Variants in ARPC4 observed in about 807,000 individuals in gnomAD.
ARPC4 encodes the protein actin related protein 2/3 complex subunit 4, also known as actin-related protein 2/3 complex subunit 4.
A neutral mutation model predicts 22.8 loss-of-function variants in ARPC4; 3 were observed. That is an observed-to-expected ratio of 0.13 (90% CI 0.06 to 0.34). The LOEUF (loss-of-function observed/expected upper bound fraction) is 0.34. Among genes scored for constraint, ARPC4 ranks in the 10% least tolerant of loss-of-function variants. The pLI, the probability that ARPC4 is intolerant of heterozygous loss-of-function variation, is 1.00. For synonymous variants in ARPC4, 80 were observed against 72.5 expected (o/e 1.10, Z -0.52); for missense variants, 98 against 211.0 (o/e 0.46, Z 3.32).
chr3:9,798,115 C>A, intron 2 of ARPC4: 1 of 148,556 alleles, frequency 6.7e-6, no homozygotes. Context: ...CATCTCCATA[C>A]TTTTCTTTTT....
chr3:9,793,072 G>A (rs938120107), upstream of ARPC4: 10 of 1,545,248 alleles, frequency 6.5e-6, no homozygotes, highest in Admixed American at 2.0e-5. Flanking sequence ...CAGGCATCGC[G>A]GGGCTGGCCA....
intron 1 of ARPC4, among the ~76,000 whole-genome samples, chr3:9,796,742 C>T (rs573314507): frequency 1.3e-5 from 2 of 151,992 alleles, no homozygotes; most frequent in Non-Finnish European, 2.9e-5. Context: ...GAGATTGAGA[C>T]CATCCTGGCT....
chr3:9,796,215 G>A (rs2078881423), intron 1 of ARPC4, among the ~76,000 whole-genome samples: 1 of 152,192 alleles, frequency 6.6e-6, no homozygotes, highest in Non-Finnish European at 1.5e-5. Context: ...CCAACACGGT[G>A]AAACTCCGTC....
intron 2 of ARPC4, 103 bp downstream of exon 2, chr3:9,797,880 C>A: frequency 8.4e-7 from 1 of 1,189,894 alleles, no homozygotes; most frequent in Non-Finnish European, 1.2e-6. Flanking sequence ...GTCAGGAAAG[C>A]TGCAGTTGAC....
intron 5 of ARPC4, chr3:9,804,247 C>A: frequency 2.2e-6 from 1 of 445,450 alleles, no homozygotes; most frequent in Non-Finnish European, 4.0e-6. Context: ...GGCTCTTAGT[C>A]TCTCGTAGGA....
intron 2 of ARPC4, among the ~76,000 whole-genome samples, chr3:9,799,700 C>T (rs1575327555): frequency 6.6e-6 from 1 of 152,192 alleles, no homozygotes; most frequent in East Asian, 1.9e-4. Flanking sequence ...GCCTCAGCCT[C>T]TCAAAGTGCT....
At chr3:9,792,681 C>T, upstream of ARPC4, 1 of 1,233,248 alleles carries the variant, frequency 8.1e-7, no homozygotes, top group Non-Finnish European at 1.0e-6. Flanking sequence ...CTGCAGTTAG[C>T]CCCGCCGAGC....
chr3:9,806,322 T>C lies in ARPC4; in HGVS notation c.*107T>C, dbSNP rs2125653514. On this transcript the variant is annotated 3_prime_UTR_variant, in exon 6 of 6. Transcript: ENST00000397261. ...GCGCGGCGGCGGCAGGGAGTTGGGT[T>C]GGGGTGGGCATTTGATGCGGGAGGT... The C allele has an allele frequency of 7.5e-7, 1 of 1,336,104 alleles. No homozygotes were observed. Among genetic ancestry groups the C allele is most frequent in the African/African-American group, 1.4e-5 (1 of 69,296 alleles). The allele number at this position is 1,336,104 out of a possible 1,614,324, so 82.8% of individuals were successfully genotyped here.
chr3:9,792,605 G>A, upstream of ARPC4: 1 of 1,230,498 alleles, frequency 8.1e-7, no homozygotes, highest in Non-Finnish European at 1.0e-6. Context: ...CGGGTGGTCG[G>A]CCTCAGGCGA....
In ARPC4 at chr3:9,793,204, C is replaced by G. The variant is rs1480059066; in HGVS notation, c.3+80C>G. The G allele has an allele frequency of 3.3e-6, 5 of 1,498,448 alleles. No individual in the cohort carries two copies. The South Asian group carries it at 6.2e-5, about 19-fold the overall frequency. The allele number at this position is 1,498,448 out of a possible 1,614,324, so 92.8% of individuals were successfully genotyped here. A position where few individuals can be genotyped will look rare whatever the true frequency, so the allele number is the denominator to read the frequency against. On this transcript the variant is annotated intron_variant, in intron 1 of 5. Coordinates refer to ENST00000397261, the MANE Select transcript of ARPC4 (RefSeq NM_005718.5). ...TGGGTCGGTGGGAGATGTGGCTTTG[C>G]CGCAGGGGCGCGGGGCCGAGGGATG...
intron 4 of ARPC4, among the ~76,000 whole-genome samples, chr3:9,802,817 G>T (rs910751341): frequency 6.6e-6 from 1 of 151,832 alleles, no homozygotes; most frequent in African/African-American, 2.4e-5. Flanking sequence ...GGGATTATAG[G>T]CACGCATGTG....
chr3:9,802,656 T>C (rs1384104555), intron 4 of ARPC4, among the ~76,000 whole-genome samples: 2 of 148,442 alleles, frequency 1.3e-5, no homozygotes, highest in Non-Finnish European at 3.0e-5. Context: ...ATTACAGGCT[T>C]GAGCCACCGC....
At chr3:9,792,763 C>G, upstream of ARPC4, 1 of 1,245,582 alleles carries the variant, frequency 8.0e-7, no homozygotes. Flanking sequence ...AAGGGCTCGT[C>G]CGCTTCGGCT....
intron 1 of ARPC4, among the ~76,000 whole-genome samples, chr3:9,797,185 T>C (rs1258587666): frequency 6.6e-6 from 1 of 152,224 alleles, no homozygotes; most frequent in Non-Finnish European, 1.5e-5. Context: ...AGTACACCTA[T>C]ACATTTGTTG....
upstream of ARPC4, chr3:9,792,789 C>A (rs1005201509): frequency 3.2e-6 from 4 of 1,261,030 alleles, no homozygotes; most frequent in Non-Finnish European, 4.0e-6. Flanking sequence ...TAATTTGGTG[C>A]CCAATCTGAA....
chr3:9,803,986 C>T lies in ARPC4; in HGVS notation c.474C>T (p.Arg158=), dbSNP rs371919414. The T allele has an allele frequency of 1.1e-4, 183 of 1,614,198 alleles. No homozygotes were observed. In the African/African-American group the frequency reaches 2.1e-3, roughly 18 times the overall value. The change falls in exon 5 of 6, where the codon CGC becomes CGT. Residue 158 remains arginine, a synonymous_variant. Transcript: ENST00000397261. ...AGCTGTCAGTCAATGCCCGTGCCCG[C>T]ATTGTGGCTGAAGAGTTCCTTAAGA... ...EMKLSVNARA[R]IVAEEFLKNF
At chr3:9,802,577 A>G (rs1185550) in intron 4 of ARPC4, among the ~76,000 whole-genome samples, 1 of 150,726 alleles carries the variant, frequency 6.6e-6, no homozygotes, top group African/African-American at 2.4e-5. Context: ...GGGTTTCACC[A>G]TGTTAGCCAG....
At chr3:9,794,844 G>T (rs1469775220) in intron 1 of ARPC4, among the ~76,000 whole-genome samples, 1 of 151,934 alleles carries the variant, frequency 6.6e-6, no homozygotes, top group Non-Finnish European at 1.5e-5. Context: ...TTTTCAGATT[G>T]TCATGTAAAT....
intron 4 of ARPC4, among the ~76,000 whole-genome samples, chr3:9,803,215 A>G (rs909525301): frequency 6.6e-6 from 1 of 152,204 alleles, no homozygotes; most frequent in African/African-American, 2.4e-5. Flanking sequence ...CACAGTTAAC[A>G]TTGGGTCAGT....
Sources: allele counts gnomAD v4.1 joint callset (sites outside exome capture counted in the v4.1 genomes callset), GRCh38; gene constraint gnomAD v4.1.1; transcripts MANE v1.5; gene names NCBI Gene and HGNC (gene_info 2026-07-23, HGNC 2026-07-21).